The following ASAP2 variants were observed in gnomAD, a reference collection of about 807,000 sequenced individuals.
ASAP2 encodes ArfGAP with SH3 domain, ankyrin repeat and PH domain 2.
Under a neutral mutation model 131.4 loss-of-function variants are expected in ASAP2, and 45 were observed. The observed-to-expected ratio is 0.34, with a 90% CI of 0.27 to 0.44. The LOEUF (loss-of-function observed/expected upper bound fraction) is 0.44, where lower values mean the gene tolerates loss of function less well. Among genes scored for constraint, ASAP2 ranks in the 20% least tolerant of loss-of-function variants. ASAP2 has a pLI of 1.00. For synonymous variants in ASAP2, 510 were observed against 503.0 expected, an observed-to-expected ratio of 1.01 and a Z score of -0.19; for missense variants, 1,011 against 1,297.0, an observed-to-expected ratio of 0.78 and a Z score of 3.39.
chr2:9,315,364 C>A (rs905523148), intron 3 of ASAP2, among the ~76,000 whole-genome samples: 3 of 152,082 alleles, frequency 2.0e-5, no homozygotes, highest in Admixed American at 2.0e-4. Context: ...AGGCAGTGGA[C>A]GTGAGAATGG....
chr2:9,353,972 C>G (rs761212653), intron 12 of ASAP2, among the ~76,000 whole-genome samples: 5 of 152,102 alleles, frequency 3.3e-5, no homozygotes, highest in Admixed American at 6.5e-5. Flanking sequence ...GAGACCTTGT[C>G]TCTTTAAAAA....
intron 1 of ASAP2, among the ~76,000 whole-genome samples, chr2:9,210,615 C>T (rs558676944): frequency 1.3e-5 from 2 of 151,678 alleles, no homozygotes; most frequent in Non-Finnish European, 2.9e-5. Flanking sequence ...AGTGCAGTGG[C>T]TCGATCCCCA....
At chr2:9,242,166 T>C (rs1056880624) in intron 1 of ASAP2, among the ~76,000 whole-genome samples, 13 of 152,176 alleles carry the variant, frequency 8.5e-5, no homozygotes, top group African/African-American at 3.1e-4. Context: ...TTTTTTTATT[T>C]GGCCAGACAG....
intron 1 of ASAP2, among the ~76,000 whole-genome samples, chr2:9,265,879 T>G (rs56111045): frequency 0.25 from 37,857 of 152,094 alleles, 4,835 homozygotes; most frequent in Non-Finnish European, 0.28. Flanking sequence ...TTCAAGTGAT[T>G]CTCCTGCCTC....
Position 9,378,987 on chromosome 2 carries a change from C to T in ASAP2, c.1876C>T (p.His626Tyr), listed in dbSNP as rs1674619280. 1.3e-6 allele frequency: 2 copies of T among 1,568,250 alleles called. No homozygotes were observed. The highest frequency in any genetic ancestry group is 2.4e-5 in the East Asian group (1 of 41,130). ...GACAGGGAAAGGCAGCACAGCCCTG[C>T]ACTACTGCTGCCTGACCGACAATGC... Reference protein sequence around the residue: ...KQTGKGSTALHYCCLTDNAEC... With the variant: ...KQTGKGSTALYYCCLTDNAEC... The change falls in exon 19 of 28, where the codon CAC becomes TAC. Residue 626 changes from histidine to tyrosine, a missense_variant. Coordinates refer to ENST00000281419, the MANE Select transcript of ASAP2 (RefSeq NM_003887.3).
intron 19 of ASAP2, 104 bp from the exon 20 acceptor site, chr2:9,380,637 T>G (rs1360909052): frequency 9.2e-7 from 1 of 1,088,314 alleles, no homozygotes; most frequent in African/African-American, 1.6e-5. Context: ...CCAGGCCCAA[T>G]TTAATTTAGT....
chr2:9,390,657 G>T (rs554541474), intron 22 of ASAP2, among the ~76,000 whole-genome samples: 2 of 152,314 alleles, frequency 1.3e-5, no homozygotes, highest in Admixed American at 1.3e-4. Flanking sequence ...TCTTCACATG[G>T]TGGTGACTCC....
At chr2:9,219,428 G>A (rs575603707) in intron 1 of ASAP2, among the ~76,000 whole-genome samples, 1 of 152,292 alleles carries the variant, frequency 6.6e-6, no homozygotes, top group South Asian at 2.1e-4. Flanking sequence ...TAACATGAGA[G>A]ATTTGGACTA....
intron 1 of ASAP2, among the ~76,000 whole-genome samples, chr2:9,233,424 T>C (rs1159362442): frequency 1.3e-5 from 2 of 152,252 alleles, no homozygotes; most frequent in African/African-American, 4.8e-5. Context: ...ATAATCTCTT[T>C]TCAGAGAAAG....
chr2:9,299,488 C>T (rs943988956), intron 3 of ASAP2, among the ~76,000 whole-genome samples: 1 of 152,150 alleles, frequency 6.6e-6, no homozygotes, highest in African/African-American at 2.4e-5. Flanking sequence ...TCTGAAACTC[C>T]TAAAGGATGT....
intron 3 of ASAP2, among the ~76,000 whole-genome samples, chr2:9,316,957 CCA>C (rs1245909907): frequency 8.5e-6 from 1 of 117,626 alleles, no homozygotes; most frequent in South Asian, 2.7e-4. Context: ...TCACACCCTC[CCA>C]CACACCCCCC....
chr2:9,236,822 C>T (rs1314108645), intron 1 of ASAP2, among the ~76,000 whole-genome samples: 1 of 151,940 alleles, frequency 6.6e-6, no homozygotes, highest in East Asian at 1.9e-4. Context: ...CTTTCTCTTT[C>T]TCCTTTCCTG....
chr2:9,271,234 T>C (rs1666371848), intron 1 of ASAP2: 3 of 678,376 alleles, frequency 4.4e-6, no homozygotes, highest in Non-Finnish European at 8.1e-6. Flanking sequence ...GAAGGGAAAT[T>C]CTACTCATTG....
At chr2:9,330,765 TC>T (rs1200182453) in intron 7 of ASAP2, among the ~76,000 whole-genome samples, 2 of 152,192 alleles carry the variant, frequency 1.3e-5, no homozygotes, top group African/African-American at 2.4e-5. Context: ...TTCTGGGATT[TC>T]CTTCCCCCGC....
At chr2:9,396,464 T>TG (rs987332512) in intron 24 of ASAP2, among the ~76,000 whole-genome samples, 9 of 151,802 alleles carry the variant, frequency 5.9e-5, no homozygotes, top group South Asian at 2.1e-4. Context: ...TTTGTAGAGG[T>TG]GGGGGTCTCC....
chr2:9,286,447 A>ATATATATATATATATATATATATATATAT (rs1553304560), intron 2 of ASAP2, among the ~76,000 whole-genome samples: 6 of 148,416 alleles, frequency 4.0e-5, no homozygotes, highest in African/African-American at 1.5e-4. Flanking sequence ...GAAAAAAAAA[A>ATATATATATATATATATATATATATATAT]ATATATATAT....
At chr2:9,391,255 G>C in intron 23 of ASAP2, 59 bp downstream of exon 23, 1 of 1,562,626 alleles carries the variant, frequency 6.4e-7, no homozygotes, top group African/African-American at 1.4e-5. Flanking sequence ...GGATGGCGGG[G>C]GGTGCTCTCT....
intron 1 of ASAP2, among the ~76,000 whole-genome samples, chr2:9,240,451 T>G (rs1403353135): frequency 6.6e-6 from 1 of 151,878 alleles, no homozygotes; most frequent in East Asian, 1.9e-4. Flanking sequence ...TCTCCATGTT[T>G]CCCAGGCTGG....
chr2:9,248,847 C>G (rs940391621), intron 1 of ASAP2, among the ~76,000 whole-genome samples: 1 of 152,158 alleles, frequency 6.6e-6, no homozygotes, highest in Non-Finnish European at 1.5e-5. Flanking sequence ...TTCCTGATGT[C>G]GACTCTGATG....
Sources: allele counts gnomAD v4.1 joint callset (sites outside exome capture counted in the v4.1 genomes callset), GRCh38; gene constraint gnomAD v4.1.1; transcripts MANE v1.5; gene names NCBI Gene and HGNC (gene_info 2026-07-23, HGNC 2026-07-21).